Variants in CCDC148 observed in about 807,000 individuals in gnomAD.
CCDC148 encodes coiled-coil domain containing 148.
CCDC148 carries 89 observed loss-of-function variants against 85.7 expected under a neutral mutation model. The ratio of observed to expected loss-of-function variants is 1.04; its 90% CI spans 0.87 to 1.24. The LOEUF is 1.24. Among genes scored for constraint, CCDC148 ranks in the 50% most tolerant of loss-of-function variants. The probability of loss-of-function intolerance (pLI) is 0.00; values close to 1 mark genes in which losing one functional copy is unlikely to be tolerated. For synonymous variants in CCDC148, 230 were observed against 213.9 expected (o/e 1.08, Z -0.66); for missense variants, 692 against 671.7 (o/e 1.03, Z -0.33).
chr2:158,404,266 T>G (rs1685907952), intron 1 of CCDC148, among the ~76,000 whole-genome samples: 1 of 152,074 alleles, frequency 6.6e-6, no homozygotes, highest in Non-Finnish European at 1.5e-5. Flanking sequence ...AAGCGCACCC[T>G]AACCATGGTC....
At chr2:158,221,664 C>T (rs1463055846) in intron 10 of CCDC148, among the ~76,000 whole-genome samples, 2 of 152,172 alleles carry the variant, frequency 1.3e-5, no homozygotes, top group East Asian at 1.9e-4. Flanking sequence ...TCCTGACTTG[C>T]CCTAGCAACA....
intron 1 of CCDC148, among the ~76,000 whole-genome samples, chr2:158,403,159 A>G (rs1685856195): frequency 6.6e-6 from 1 of 152,094 alleles, no homozygotes; most frequent in African/African-American, 2.4e-5. Context: ...TTAAAATCAA[A>G]CAGAATCTAC....
chr2:158,216,656 A>C (rs1686881006), intron 11 of CCDC148, among the ~76,000 whole-genome samples: 1 of 152,180 alleles, frequency 6.6e-6, no homozygotes, highest in Non-Finnish European at 1.5e-5. Context: ...CTTGAACAAC[A>C]GAAATTTATT....
intron 9 of CCDC148, among the ~76,000 whole-genome samples, chr2:158,295,233 T>C (rs1007178034): frequency 1.1e-4 from 17 of 151,960 alleles, no homozygotes; most frequent in Non-Finnish European, 1.3e-4. Context: ...CAATAATCAA[T>C]AGCTTACCAA....
intron 2 of CCDC148, among the ~76,000 whole-genome samples, chr2:158,357,236 T>G (rs1419940570): frequency 9.0e-6 from 1 of 110,622 alleles, no homozygotes; most frequent in Non-Finnish European, 1.9e-5. Flanking sequence ...TAATAAAAAA[T>G]AAAAAAAAAG....
intron 1 of CCDC148, among the ~76,000 whole-genome samples, chr2:158,422,109 CA>C (rs982179640): frequency 7.2e-4 from 110 of 151,950 alleles, no homozygotes; most frequent in African/African-American, 2.4e-3. Context: ...AGCCTACCAA[CA>C]AAAAAAGTCC....
intron 2 of CCDC148, among the ~76,000 whole-genome samples, chr2:158,353,764 C>A (rs995638264): frequency 1.3e-5 from 2 of 152,138 alleles, no homozygotes. Flanking sequence ...CCCAAATCAA[C>A]AGAATATACA....
intron 11 of CCDC148, among the ~76,000 whole-genome samples, chr2:158,210,959 GA>G (rs772015775): frequency 0.06 from 4,212 of 70,328 alleles, 82 homozygotes; most frequent in Middle Eastern, 0.15. Flanking sequence ...ACTCTGTCTC[GA>G]AAAAAAAAAA....
chr2:158,362,761 T>A (rs1240045367), intron 1 of CCDC148, among the ~76,000 whole-genome samples: 1 of 151,480 alleles, frequency 6.6e-6, no homozygotes, highest in East Asian at 1.9e-4. Context: ...ATAAAAAGAA[T>A]TAGAGAAGCA....
chr2:158,217,847 C>T (rs772847083), intron 11 of CCDC148, among the ~76,000 whole-genome samples: 16 of 151,998 alleles, frequency 1.1e-4, no homozygotes, highest in Middle Eastern at 3.4e-3. Context: ...TATTCTGATA[C>T]GGAAAAAAAG....
intron 9 of CCDC148, among the ~76,000 whole-genome samples, chr2:158,272,342 G>T (rs889759584): frequency 2.0e-5 from 3 of 152,152 alleles, no homozygotes; most frequent in African/African-American, 7.2e-5. Context: ...TGATGGAGAA[G>T]AAGGGTACAG....
At chr2:158,329,158 T>C (rs1383597007) in intron 7 of CCDC148, among the ~76,000 whole-genome samples, 1 of 152,226 alleles carries the variant, frequency 6.6e-6, no homozygotes, top group Non-Finnish European at 1.5e-5. Context: ...GTCAAACATT[T>C]AAGTCTTTAA....
At chr2:158,262,894 A>C (rs534533058) in intron 9 of CCDC148, among the ~76,000 whole-genome samples, 1 of 152,094 alleles carries the variant, frequency 6.6e-6, no homozygotes, top group Non-Finnish European at 1.5e-5. Flanking sequence ...AATAAAAGAA[A>C]AAAGAAAACT....
At chr2:158,420,185 T>C (rs1686703477) in intron 1 of CCDC148, 1 of 152,192 alleles carries the variant, frequency 6.6e-6, no homozygotes, top group Admixed American at 6.5e-5. Flanking sequence ...CAGGATATTA[T>C]CCAGGAGAAC....
intron 7 of CCDC148, among the ~76,000 whole-genome samples, chr2:158,324,797 T>C (rs1002318166): frequency 5.9e-5 from 9 of 152,132 alleles, no homozygotes; most frequent in South Asian, 2.1e-4. Context: ...GAGGCTTTTA[T>C]AACTTTCTTA....
At chr2:158,446,037 C>G (rs571394847) in intron 1 of CCDC148, among the ~76,000 whole-genome samples, 125 of 152,212 alleles carry the variant, frequency 8.2e-4, no homozygotes, top group African/African-American at 2.9e-3. Flanking sequence ...TTTATGTAAT[C>G]AACTATGATA....
At chr2:158,426,848 T>C (rs1687102620) in intron 1 of CCDC148, among the ~76,000 whole-genome samples, 1 of 152,196 alleles carries the variant, frequency 6.6e-6, no homozygotes, top group Non-Finnish European at 1.5e-5. Context: ...CTATTACACC[T>C]TACACCTAGG....
intron 1 of CCDC148, among the ~76,000 whole-genome samples, chr2:158,406,616 T>TTTTTTTCTGTTTTTTTTTTTTG (rs1276531586): frequency 1.4e-4 from 10 of 73,128 alleles, no homozygotes; most frequent in Admixed American, 3.1e-4. Flanking sequence ...TAAATTTCTT[T>TTTTTTTCTGTTTTTTTTTTTTG]TTTTTTTTTT....
intron 9 of CCDC148, among the ~76,000 whole-genome samples, chr2:158,287,375 C>T (rs1339738421): frequency 6.6e-6 from 1 of 152,040 alleles, no homozygotes; most frequent in Non-Finnish European, 1.5e-5. Flanking sequence ...AGTCCAAGTC[C>T]AAAGTCCCAT....
Sources: gnomAD v4.1 joint callset for allele counts (sites outside exome capture counted in the v4.1 genomes callset) on GRCh38, gnomAD v4.1.1 for gene constraint, MANE v1.5 for transcripts, NCBI Gene and HGNC (gene_info 2026-07-23, HGNC 2026-07-21) for gene names.